Variants in GALM observed in about 807,000 individuals in gnomAD.
GALM encodes galactose mutarotase.
In GALM, 43 loss-of-function variants were observed where a neutral mutation model predicts 37.4. The observed-to-expected ratio is 1.15, with a 90% confidence interval of 0.90 to 1.48. The LOEUF is 1.48. Ranked by LOEUF, GALM falls within the 40% of genes most tolerant of loss-of-function variation. GALM has a pLI of 0.00. For synonymous variants in GALM, 199 were observed against 170.6 expected, an observed-to-expected ratio of 1.17 and a Z score of -1.30; for missense variants, 456 against 419.1, an observed-to-expected ratio of 1.09 and a Z score of -0.77.
intron 1 of GALM, chr2:38,668,858 C>T (rs1665020405): frequency 1.3e-5 from 2 of 151,872 alleles, no homozygotes; most frequent in Admixed American, 6.6e-5. Context: ...CTTGACATTA[C>T]CATATCCCAA....
chr2:38,717,753 C>T (rs1324167636), intron 4 of GALM, among the ~76,000 whole-genome samples: 2 of 149,890 alleles, frequency 1.3e-5, no homozygotes, highest in Admixed American at 1.3e-4. Flanking sequence ...CATAGAAATA[C>T]CCAAGATCAG....
chr2:38,708,034 G>C (rs1666075520), intron 4 of GALM, among the ~76,000 whole-genome samples: 1 of 152,080 alleles, frequency 6.6e-6, no homozygotes, highest in African/African-American at 2.4e-5. Context: ...CTGAAGCTGG[G>C]AGACGGAGGT....
intron 2 of GALM, among the ~76,000 whole-genome samples, chr2:38,676,894 C>T (rs570496460): frequency 2.3e-4 from 35 of 152,372 alleles, no homozygotes; most frequent in African/African-American, 7.9e-4. Context: ...TGGGTGCCCC[C>T]GTCCAACATG....
chr2:38,688,436 G>A (rs534397596), intron 3 of GALM, among the ~76,000 whole-genome samples: 2 of 151,932 alleles, frequency 1.3e-5, no homozygotes, highest in African/African-American at 4.8e-5. Context: ...ACTTGAACCC[G>A]AGAGGCGGAG....
intron 4 of GALM, among the ~76,000 whole-genome samples, chr2:38,707,878 T>G (rs552973842): frequency 2.7e-3 from 414 of 151,596 alleles, no homozygotes; most frequent in Non-Finnish European, 4.3e-3. Flanking sequence ...GAGGCCGAGG[T>G]GGGTGGATCA....
chr2:38,695,787 C>T (rs1041352409), intron 4 of GALM, among the ~76,000 whole-genome samples: 1 of 152,062 alleles, frequency 6.6e-6, no homozygotes, highest in African/African-American at 2.4e-5. Context: ...ACCTCCACCT[C>T]CCGGGTTCAA....
chr2:38,717,015 C>T (rs1479321478), intron 4 of GALM, among the ~76,000 whole-genome samples: 1 of 152,140 alleles, frequency 6.6e-6, no homozygotes, highest in Non-Finnish European at 1.5e-5. Flanking sequence ...CTTTGGGAGG[C>T]CGAGGCAGGC....
At chr2:38,708,756 G>T (rs1352622362) in intron 4 of GALM, among the ~76,000 whole-genome samples, 1 of 151,470 alleles carries the variant, frequency 6.6e-6, no homozygotes, top group Non-Finnish European at 1.5e-5. Flanking sequence ...AAAAGAAAGT[G>T]CTGTCAACAA....
intron 1 of GALM, chr2:38,668,481 C>T (rs1665010560): frequency 1.3e-5 from 2 of 152,126 alleles, no homozygotes; most frequent in Admixed American, 1.3e-4. Flanking sequence ...GCATTAAAAC[C>T]TATGTTAACA....
At position 38,667,228 on chromosome 2, in the gene GALM, ACT is replaced by A. The variant is rs150041663; in HGVS notation, c.190+882_190+883del. Among the ~76,000 whole-genome samples the A allele has an allele frequency of 3.0e-3, 457 of 151,986 alleles. 7 individuals carry two copies. The highest frequency in any genetic ancestry group is 0.011 in the African/African-American group (445 of 41,446). On this transcript the variant is annotated intron_variant, in intron 1 of 6. Coordinates refer to ENST00000272252, the MANE Select transcript of GALM (RefSeq NM_138801.3). ...TGGCAAAGGGAAACTGAGAGTTAAT[ACT>A]CTCTGCTCAGTGGTTGGGGCGTAGA...
At chr2:38,709,997 A>G (rs1448410911) in intron 4 of GALM, among the ~76,000 whole-genome samples, 2 of 152,112 alleles carry the variant, frequency 1.3e-5, no homozygotes, top group Non-Finnish European at 2.9e-5. Context: ...GGCTATCCTC[A>G]TGGAGACCAG....
chr2:38,714,957 C>T (rs1666240493), intron 4 of GALM, among the ~76,000 whole-genome samples: 1 of 152,150 alleles, frequency 6.6e-6, no homozygotes, highest in Non-Finnish European at 1.5e-5. Flanking sequence ...GAAAGGGGTT[C>T]TCAACTATGA....
chr2:38,731,916 C>T lies in GALM; in HGVS notation c.951+7C>T, dbSNP rs752210344. ...GCCTGATGCAGTCAATCAGGTAATG[C>T]CACAGGCTGGCTTTTCAGAGTAGAG... On this transcript the variant is annotated splice_region_variant and intron_variant, in intron 6 of 6. Transcript: ENST00000272252. 1.9e-6 allele frequency: 3 copies of T among 1,612,930 alleles called. No individual in the cohort carries two copies. In the East Asian group the frequency reaches 6.7e-5, roughly 36 times the overall value.
chr2:38,676,932 C>T (rs949726825), intron 2 of GALM, among the ~76,000 whole-genome samples: 13 of 152,224 alleles, frequency 8.5e-5, no homozygotes, highest in Non-Finnish European at 1.6e-4. Flanking sequence ...TTAAGCCCCC[C>T]GCCCCATGCA....
intron 4 of GALM, among the ~76,000 whole-genome samples, chr2:38,706,728 G>A (rs1666042411): frequency 6.6e-6 from 1 of 151,790 alleles, no homozygotes; most frequent in Non-Finnish European, 1.5e-5. Context: ...ACAGAGACCA[G>A]TTTAGATGCT....
intron 6 of GALM, among the ~76,000 whole-genome samples, chr2:38,732,406 C>T (rs959786267): frequency 6.6e-6 from 1 of 152,206 alleles, no homozygotes; most frequent in Non-Finnish European, 1.5e-5. Flanking sequence ...AACCCATAGC[C>T]AAGCTACTAA....
At position 38,681,357 on chromosome 2, in the gene GALM, C is replaced by T. The variant is rs377468056; in HGVS notation, c.423C>T (p.Pro141=). The change falls in exon 3 of 7, where the codon CCC becomes CCT. Residue 141 remains proline (P), a synonymous_variant. Coordinates refer to ENST00000272252, the MANE Select transcript of GALM (RefSeq NM_138801.3). ...RISPDGEEGY[P]GELKVWVTYT... is the part of the protein sequence containing the mutation. ...GTCCAGATGGTGAAGAAGGCTACCC[C>T]GGAGAGTTAAAAGTCTGGGTGACAT... The T allele has an allele frequency of 5.1e-5, 82 of 1,613,932 alleles. No individual in the cohort carries two copies. The highest frequency in any genetic ancestry group is 3.3e-4 in the Middle Eastern group (2 of 6,048).
chr2:38,720,386 G>A (rs1243753373), intron 4 of GALM, among the ~76,000 whole-genome samples: 3 of 135,860 alleles, frequency 2.2e-5, no homozygotes, highest in Non-Finnish European at 3.0e-5. Context: ...TGTTCTTAAG[G>A]TATAATCACG....
At chr2:38,673,809 C>CA (rs373671218) in intron 1 of GALM, among the ~76,000 whole-genome samples, 20,335 of 83,970 alleles carry the variant, frequency 0.24, 1,711 homozygotes, top group South Asian at 0.36. Flanking sequence ...GACTCCGTCT[C>CA]AAAAAAAAAA....
Sources: allele counts gnomAD v4.1 joint callset (sites outside exome capture counted in the v4.1 genomes callset), GRCh38; gene constraint gnomAD v4.1.1; transcripts MANE v1.5; gene names NCBI Gene and HGNC (gene_info 2026-07-23, HGNC 2026-07-21).